Variants in EFHC2 observed in about 807,000 individuals in gnomAD.
The protein encoded by EFHC2 is EF-hand domain-containing family member C2.
Under a neutral mutation model 52.7 loss-of-function variants are expected in EFHC2, and 18 were observed. The ratio of observed to expected loss-of-function variants is 0.34; its 90% confidence interval spans 0.24 to 0.51. EFHC2 has a LOEUF of 0.51. Ranked by LOEUF, EFHC2 falls within the 20% of genes least tolerant of loss-of-function variation. EFHC2 has a pLI of 0.97. For synonymous variants in EFHC2, 203 were observed against 204.1 expected (o/e 0.99, Z 0.04); for missense variants, 513 against 562.5 (o/e 0.91, Z 0.89).
At chrX:44,312,985 A>T (rs1329131558) in intron 1 of EFHC2, among the ~76,000 whole-genome samples, 1 of 110,411 alleles carries the variant, frequency 9.1e-6, no homozygotes, top group Admixed American at 9.7e-5. Context: ...CATAAACCTA[A>T]TGTTCCATGC....
intron 13 of EFHC2, among the ~76,000 whole-genome samples, chrX:44,166,687 C>T (rs1443215496): frequency 9.0e-6 from 1 of 111,619 alleles, no homozygotes; most frequent in East Asian, 2.8e-4. Context: ...ATAAGAGGCA[C>T]TTACTCAATC....
At chrX:44,293,015 C>T (rs1409393248) in intron 2 of EFHC2, among the ~76,000 whole-genome samples, 2 of 103,625 alleles carry the variant, frequency 1.9e-5, no homozygotes, top group East Asian at 6.0e-4. Flanking sequence ...CGCTCTGTCG[C>T]CCAGGCTGGA....
intron 8 of EFHC2, among the ~76,000 whole-genome samples, chrX:44,235,952 C>G (rs745861450): frequency 9.0e-6 from 1 of 111,674 alleles, no homozygotes; most frequent in Non-Finnish European, 1.9e-5. Flanking sequence ...CAGCAACCCC[C>G]CAACTTCCTT....
At chrX:44,202,759 A>G (rs1395904505) in intron 11 of EFHC2, among the ~76,000 whole-genome samples, 1 of 110,593 alleles carries the variant, frequency 9.0e-6, no homozygotes, top group African/African-American at 3.3e-5. Context: ...ATACCCCAGA[A>G]CCCACTATAA....
At chrX:44,150,837 A>G (rs922633004) in intron 14 of EFHC2, among the ~76,000 whole-genome samples, 5 of 111,441 alleles carry the variant, frequency 4.5e-5, no homozygotes, top group African/African-American at 1.6e-4. Context: ...CCTAATCCCT[A>G]GTACCTCAGA....
At chrX:44,309,786 T>C (rs2037932500) in intron 2 of EFHC2, 12 of 1,020,589 alleles carry the variant, frequency 1.2e-5, no homozygotes, top group Non-Finnish European at 1.4e-5. Flanking sequence ...AGATGCCTTC[T>C]ACTGCAGCAA....
intron 1 of EFHC2, among the ~76,000 whole-genome samples, chrX:44,327,332 G>A (rs781198836): frequency 8.9e-5 from 10 of 111,963 alleles, no homozygotes; most frequent in African/African-American, 3.2e-4. Context: ...TTAAAAGAGA[G>A]TGCTGTAGAA....
In EFHC2 at chrX:44,148,526, CAGA is replaced by C. The variant is rs762896687; in HGVS notation, c.*266_*268del. The C allele has an allele frequency of 2.5e-3, 620 of 243,562 alleles. 1 individual carries two copies. The highest frequency in any genetic ancestry group is 4.8e-3 in the Middle Eastern group (4 of 829). 20.1% of individuals were successfully genotyped at this position (243,562 alleles called of 1,213,427 possible). On this transcript the variant is annotated 3_prime_UTR_variant, in exon 15 of 15. Coordinates refer to ENST00000420999, the MANE Select transcript of EFHC2 (RefSeq NM_025184.4). ...CAAATTATGTTGGATCAAAAATTATCAGAAGATTTTTTGGTATTAATAAACCAT... is the reference window on the plus strand; with the variant it reads ...CAAATTATGTTGGATCAAAAATTATCAGATTTTTTGGTATTAATAAACCAT...
At chrX:44,250,790 G>A (rs188950614) in intron 4 of EFHC2, among the ~76,000 whole-genome samples, 104 of 95,038 alleles carry the variant, frequency 1.1e-3, no homozygotes, top group Admixed American at 3.8e-3. Flanking sequence ...ACACCACTGC[G>A]CTACAGCCTG....
chrX:44,328,913 G>T (rs5953384), intron 1 of EFHC2, among the ~76,000 whole-genome samples: 50,363 of 110,027 alleles, frequency 0.46, 8,599 homozygotes, highest in African/African-American at 0.59. Flanking sequence ...CTGTAAAGGG[G>T]CTCTTGAGCC....
At chrX:44,310,133 G>A (rs1317137598) in intron 2 of EFHC2, 2 of 689,306 alleles carry the variant, frequency 2.9e-6, no homozygotes, top group Admixed American at 2.2e-5. Context: ...GGGATTCCCA[G>A]TGCCGAATGT....
intron 2 of EFHC2, among the ~76,000 whole-genome samples, chrX:44,273,975 T>C (rs764758750): frequency 2.7e-3 from 305 of 112,197 alleles, no homozygotes; most frequent in South Asian, 9.6e-3. Flanking sequence ...TAAGAATATA[T>C]ACTCCAGGAG....
chrX:44,258,164 C>T (rs1209827003), intron 4 of EFHC2, among the ~76,000 whole-genome samples: 1 of 111,863 alleles, frequency 8.9e-6, no homozygotes, highest in Non-Finnish European at 1.9e-5. Context: ...AAACATAAGA[C>T]CTAAAATCAT....
intron 7 of EFHC2, among the ~76,000 whole-genome samples, chrX:44,246,282 C>T (rs1420519873): frequency 8.9e-6 from 1 of 111,912 alleles, no homozygotes; most frequent in Non-Finnish European, 1.9e-5. Context: ...TTCATTCTCC[C>T]CTCCACCTCA....
intron 1 of EFHC2, among the ~76,000 whole-genome samples, chrX:44,317,152 T>C (rs942956993): frequency 8.9e-6 from 1 of 111,822 alleles, no homozygotes; most frequent in African/African-American, 3.3e-5. Flanking sequence ...GCCCTTCGTA[T>C]TTATTGGGTA....
At chrX:44,272,959 A>G (rs992974135) in intron 2 of EFHC2, 123 bp from the exon 3 acceptor site, 1 of 556,225 alleles carries the variant, frequency 1.8e-6, no homozygotes, top group African/African-American at 2.3e-5. Context: ...AATTTTTCCA[A>G]GAACTCATTC....
intron 11 of EFHC2, among the ~76,000 whole-genome samples, chrX:44,222,601 T>A (rs1196194716): frequency 9.0e-6 from 1 of 111,475 alleles, no homozygotes; most frequent in African/African-American, 3.3e-5. Flanking sequence ...CAAAACAATA[T>A]TTTCAAAGTA....
In EFHC2 at chrX:44,334,632, C is replaced by T. The variant is rs371201705; in HGVS notation, c.42+8915G>A. 3.5e-4 allele frequency among the ~76,000 whole-genome samples: 39 copies of T among 111,660 alleles called. 5 individuals carry two copies. Among genetic ancestry groups the T allele is most frequent in the Admixed American group, 2.9e-3 (30 of 10,518 alleles). On this transcript the variant is annotated intron_variant, in intron 1 of 14. Coordinates refer to ENST00000420999, the MANE Select transcript of EFHC2 (RefSeq NM_025184.4). Reference sequence around the variant, plus strand: ...CTGGGATTACAGGCATGCGCCACCACGCCCGGCTAGTTTTGTATTTTTAGT... The same window carrying T: ...CTGGGATTACAGGCATGCGCCACCATGCCCGGCTAGTTTTGTATTTTTAGT...
intron 3 of EFHC2, among the ~76,000 whole-genome samples, chrX:44,263,630 G>A (rs1361401578): frequency 8.9e-6 from 1 of 111,996 alleles, no homozygotes; most frequent in Admixed American, 9.5e-5. Flanking sequence ...ACTGAAAACA[G>A]TATGCAAATT....
Sources: allele counts gnomAD v4.1 joint callset (sites outside exome capture counted in the v4.1 genomes callset), GRCh38; gene constraint gnomAD v4.1.1; transcripts MANE v1.5; gene names NCBI Gene and HGNC (gene_info 2026-07-23, HGNC 2026-07-21).